GNPDA2: variants seen among roughly 807,000 people sequenced by gnomAD.
The protein encoded by GNPDA2 is glcN6P deaminase 2.
A neutral mutation model predicts 27.0 loss-of-function variants in GNPDA2; 24 were observed. The ratio of observed to expected loss-of-function variants is 0.89; its 90% CI spans 0.64 to 1.25. GNPDA2 has a LOEUF of 1.25. GNPDA2 is among the 50% of genes most tolerant of loss of function. The pLI, the probability that GNPDA2 is intolerant of heterozygous loss-of-function variation, is 0.00. For synonymous variants in GNPDA2, 94 were observed against 108.4 expected, an observed-to-expected ratio of 0.87 and a Z score of 0.83; for missense variants, 286 against 335.1, an observed-to-expected ratio of 0.85 and a Z score of 1.14.
chr4:44,703,343 AATT>A (rs1451744564), intron 6 of GNPDA2: 2 of 1,358,780 alleles, frequency 1.5e-6, no homozygotes, highest in Non-Finnish European at 1.9e-6. Context: ...ACCAATTTAT[AATT>A]ATGTAACAGT....
chr4:44,726,427 C>T (rs932344604), intron 1 of GNPDA2, 47 bp downstream of exon 1: 11 of 152,358 alleles, frequency 7.2e-5, no homozygotes, highest in African/African-American at 2.7e-4. Context: ...GTCCCCCGAC[C>T]CGAGTCCCCT....
At chr4:44,719,567 A>C (rs1207895848) in intron 2 of GNPDA2, among the ~76,000 whole-genome samples, 2 of 152,068 alleles carry the variant, frequency 1.3e-5, no homozygotes, top group African/African-American at 2.4e-5. Flanking sequence ...TTTCTCAACA[A>C]CTATAGCCCA....
chr4:44,717,437 T>C (rs1717375077), intron 3 of GNPDA2, 142 bp from the exon 4 acceptor site: 1 of 509,666 alleles, frequency 2.0e-6, no homozygotes. Flanking sequence ...GTGGAATATA[T>C]GATTATATGC....
intron 4 of GNPDA2, among the ~76,000 whole-genome samples, chr4:44,715,792 C>T (rs575902832): frequency 1.9e-4 from 29 of 152,020 alleles, no homozygotes; most frequent in African/African-American, 6.7e-4. Flanking sequence ...CAATAAACAA[C>T]CATTCTATCA....
rs904636525 is a variant in GNPDA2, at chr4:44,702,049, T to C, written c.*1032A>G. 3 of 985,724 alleles carry C rather than the reference T, an allele frequency of 3.0e-6. No homozygotes were observed. Among genetic ancestry groups the C allele is most frequent in the East Asian group, 1.1e-4 (1 of 8,790 alleles). 61.1% of individuals were successfully genotyped at this position (985,724 alleles called of 1,614,324 possible). On this transcript the variant is annotated 3_prime_UTR_variant, in exon 7 of 7. Transcript: ENST00000295448. ...ACATCTTTTAACCTAACTCTCCTAATGCATGATGGTAACAAACCCAAAATG... is the reference window on the plus strand; with the variant it reads ...ACATCTTTTAACCTAACTCTCCTAACGCATGATGGTAACAAACCCAAAATG...
chr4:44,724,810 C>T (rs999484213), intron 1 of GNPDA2, among the ~76,000 whole-genome samples: 1 of 151,984 alleles, frequency 6.6e-6, no homozygotes, highest in Non-Finnish European at 1.5e-5. Flanking sequence ...GAATTCTGGC[C>T]CGATAACAAT....
intron 1 of GNPDA2, among the ~76,000 whole-genome samples, chr4:44,724,558 ATTT>A (rs1239423570): frequency 7.6e-6 from 1 of 132,174 alleles, no homozygotes; most frequent in Non-Finnish European, 1.7e-5. Context: ...TAATTCTTAG[ATTT>A]TTAATTCTTA....
At chr4:44,724,000 A>G (rs950860383) in intron 1 of GNPDA2, among the ~76,000 whole-genome samples, 22 of 152,192 alleles carry the variant, frequency 1.4e-4, no homozygotes, top group African/African-American at 4.1e-4. Context: ...GGACAATCCA[A>G]GGCACTTTCC....
intron 6 of GNPDA2, chr4:44,704,096 A>G (rs1219567188): frequency 9.1e-6 from 9 of 985,066 alleles, no homozygotes; most frequent in African/African-American, 1.7e-5. Flanking sequence ...CCCAGCTTTG[A>G]GAAAGACCCA....
chr4:44,703,618 A>AT (rs1364575595), intron 6 of GNPDA2: 2 of 983,576 alleles, frequency 2.0e-6, no homozygotes, highest in African/African-American at 3.5e-5. Context: ...ATGTGTATTT[A>AT]TGACAAAGGT....
At chr4:44,712,342 G>T (rs1463218579) in intron 4 of GNPDA2, among the ~76,000 whole-genome samples, 4 of 151,794 alleles carry the variant, frequency 2.6e-5, no homozygotes, top group Non-Finnish European at 5.9e-5. Flanking sequence ...ATTTTCCCAG[G>T]CCACAAGAAG....
At chr4:44,705,247 GTA>G (rs1716519248) in intron 6 of GNPDA2, 1 of 978,708 alleles carries the variant, frequency 1.0e-6, no homozygotes, top group African/African-American at 1.8e-5. Flanking sequence ...CTCAATGGAG[GTA>G]TGAAAAGTAT....
At chr4:44,708,714 GTAATA>G (rs1716772871) in intron 5 of GNPDA2, among the ~76,000 whole-genome samples, 1 of 151,978 alleles carries the variant, frequency 6.6e-6, no homozygotes, top group Non-Finnish European at 1.5e-5. Flanking sequence ...ACATATTTTT[GTAATA>G]TAATCTTTAA....
intron 4 of GNPDA2, among the ~76,000 whole-genome samples, chr4:44,715,539 G>A (rs567535809): frequency 6.6e-5 from 10 of 152,028 alleles, no homozygotes; most frequent in Non-Finnish European, 1.3e-4. Context: ...CCAGATTTTG[G>A]TGTGGAGCTT....
At chr4:44,711,394 A>T (rs555703747) in intron 4 of GNPDA2, among the ~76,000 whole-genome samples, 4 of 152,200 alleles carry the variant, frequency 2.6e-5, no homozygotes, top group Admixed American at 2.0e-4. Context: ...TAATTTATAA[A>T]GCCCTTTCAC....
At chr4:44,707,277 A>T (rs1030492825) in intron 6 of GNPDA2, 1 of 157,460 alleles carries the variant, frequency 6.4e-6, no homozygotes, top group South Asian at 2.1e-4. Flanking sequence ...AGACATTATA[A>T]CTTTAATATA....
At chr4:44,724,130 G>A (rs770229997) in intron 1 of GNPDA2, among the ~76,000 whole-genome samples, 7 of 152,222 alleles carry the variant, frequency 4.6e-5, no homozygotes, top group Admixed American at 1.3e-4. Flanking sequence ...GGAAGTTTGC[G>A]TTAATTGGTT....
chr4:44,719,973 A>C (rs867050374), intron 2 of GNPDA2, among the ~76,000 whole-genome samples: 1 of 152,142 alleles, frequency 6.6e-6, no homozygotes, highest in Non-Finnish European at 1.5e-5. Context: ...GAAAAACATT[A>C]TAAATAATCT....
chr4:44,708,272 A>G (rs1716742027), intron 5 of GNPDA2, among the ~76,000 whole-genome samples: 1 of 152,000 alleles, frequency 6.6e-6, no homozygotes, highest in Non-Finnish European at 1.5e-5. Flanking sequence ...TTACAAATCT[A>G]TAAATAATTT....
Sources: allele counts gnomAD v4.1 joint callset (sites outside exome capture counted in the v4.1 genomes callset), GRCh38; gene constraint gnomAD v4.1.1; transcripts MANE v1.5; gene names NCBI Gene and HGNC (gene_info 2026-07-23, HGNC 2026-07-21).